Variants in BLTP3B observed in about 807,000 individuals in gnomAD.
BLTP3B encodes bridge-like lipid transfer protein family member 3B.
the BLTP3B span, among the ~76,000 whole-genome samples, chr12:100,123,015 T>A: frequency 0.081 from 12,279 of 152,190 alleles, 666 homozygotes; most frequent in African/African-American, 0.14. Context: ...TCTCCTCCCA[T>A]CCCATGCTCT....
the BLTP3B span, chr12:100,086,455 G>T: frequency 1.5e-6 from 1 of 672,158 alleles, no homozygotes; most frequent in Non-Finnish European, 2.5e-6. Flanking sequence ...AGTCCAAATA[G>T]TAATAACTGT....
the BLTP3B span, among the ~76,000 whole-genome samples, chr12:100,141,359 TAC>T: frequency 6.6e-6 from 1 of 151,748 alleles, no homozygotes; most frequent in Admixed American, 6.6e-5. Context: ...GTGTAGTGTA[TAC>T]ACATATATAT....
chr12:100,128,580 C>A, the BLTP3B span: 2 of 1,242,852 alleles, frequency 1.6e-6, no homozygotes, highest in East Asian at 5.7e-5. Flanking sequence ...GAAGTATTAC[C>A]TGAGGGCAGG....
chr12:100,135,558 C>T, the BLTP3B span, among the ~76,000 whole-genome samples: 1 of 152,084 alleles, frequency 6.6e-6, no homozygotes, highest in Admixed American at 6.6e-5. Flanking sequence ...TGAGACACCA[C>T]ACCCGGCCTC....
chr12:100,111,599 T>TG, the BLTP3B span, among the ~76,000 whole-genome samples: 17 of 152,018 alleles, frequency 1.1e-4, no homozygotes, highest in South Asian at 6.2e-4. Flanking sequence ...TTTTGTTTTT[T>TG]TTTGTTTGTT....
the BLTP3B span, among the ~76,000 whole-genome samples, chr12:100,118,388 T>TCAAAA: frequency 4.8e-3 from 722 of 151,840 alleles, 3 homozygotes; most frequent in Non-Finnish European, 8.2e-3. Flanking sequence ...TGAGACCGTC[T>TCAAAA]CAAAACAAAA....
At chr12:100,071,594 G>A in the BLTP3B span, among the ~76,000 whole-genome samples, 5 of 150,894 alleles carry the variant, frequency 3.3e-5, no homozygotes, top group African/African-American at 9.7e-5. Flanking sequence ...TCATTTTAAT[G>A]TTAGGAAGCT....
chr12:100,047,996 C>G, the BLTP3B span: 1 of 1,596,656 alleles, frequency 6.3e-7, no homozygotes, highest in Non-Finnish European at 8.5e-7. Flanking sequence ...ATTACTGTTG[C>G]AACAGTTTCA....
the BLTP3B span, chr12:100,084,517 G>A: frequency 6.2e-7 from 1 of 1,613,824 alleles, no homozygotes; most frequent in Middle Eastern, 1.6e-4. Context: ...TGGGGATTTA[G>A]GAGGTGAACC....
At chr12:100,065,630 A>G in the BLTP3B span, among the ~76,000 whole-genome samples, 1 of 152,112 alleles carries the variant, frequency 6.6e-6, no homozygotes, top group Non-Finnish European at 1.5e-5. Flanking sequence ...TTGGGAAAAG[A>G]CCACTCCCCA....
At chr12:100,108,416 G>T in the BLTP3B span, 1 of 1,612,836 alleles carries the variant, frequency 6.2e-7, no homozygotes, top group Non-Finnish European at 8.5e-7. Flanking sequence ...AAAAAACTTT[G>T]TTGATAGCAA....
chr12:100,098,231 CA>C, the BLTP3B span: 20 of 1,118,360 alleles, frequency 1.8e-5, no homozygotes, highest in Non-Finnish European at 2.2e-5. Flanking sequence ...GCACCCTCCC[CA>C]AAAAAAGTAA....
At chr12:100,139,989 C>A in the BLTP3B span, among the ~76,000 whole-genome samples, 1 of 152,170 alleles carries the variant, frequency 6.6e-6, no homozygotes, top group Non-Finnish European at 1.5e-5. Flanking sequence ...GTATTAGAAA[C>A]TAGTATGTTC....
the BLTP3B span, among the ~76,000 whole-genome samples, chr12:100,125,140 C>A: frequency 2.0e-5 from 3 of 147,716 alleles, no homozygotes; most frequent in Non-Finnish European, 4.5e-5. Context: ...CAGATAAGCC[C>A]GGCCAACATG....
the BLTP3B span, chr12:100,098,544 G>T: frequency 6.3e-7 from 1 of 1,596,094 alleles, no homozygotes; most frequent in Non-Finnish European, 8.5e-7. Flanking sequence ...CGTATTCACT[G>T]GAAAAACAAA....
At chr12:100,037,327 T>C in the BLTP3B span, 1 of 1,023,200 alleles carries the variant, frequency 9.8e-7, no homozygotes, top group Non-Finnish European at 1.2e-6. Context: ...GAAAATGAGA[T>C]ATCAAAATTA....
the BLTP3B span, among the ~76,000 whole-genome samples, chr12:100,111,841 T>C: frequency 6.6e-6 from 1 of 152,112 alleles, no homozygotes; most frequent in Non-Finnish European, 1.5e-5. Context: ...CCCGACCTTG[T>C]GATCCATCCA....
the BLTP3B span, chr12:100,104,037 T>C: frequency 6.5e-6 from 6 of 926,090 alleles, no homozygotes; most frequent in South Asian, 3.9e-5. Context: ...TATATTAATA[T>C]AGGACAGACA....
At chr12:100,124,936 T>TTATATATATATATATATATATA in the BLTP3B span, among the ~76,000 whole-genome samples, 9 of 56,514 alleles carry the variant, frequency 1.6e-4, no homozygotes, top group Admixed American at 6.1e-4. Flanking sequence ...AAAAAAAATT[T>TTATATATATATATATATATATA]TATATATATA....
Sources: allele counts gnomAD v4.1 joint callset (sites outside exome capture counted in the v4.1 genomes callset), GRCh38; gene constraint gnomAD v4.1.1; transcripts MANE v1.5; gene names NCBI Gene and HGNC (gene_info 2026-07-23, HGNC 2026-07-21).